TBC1D32: variants seen among roughly 807,000 people sequenced by gnomAD.
The protein encoded by TBC1D32 is protein broad-minded.
Under a neutral mutation model 170.3 loss-of-function variants are expected in TBC1D32, and 151 were observed. That is an observed-to-expected ratio of 0.89 (90% CI 0.78 to 1.01). TBC1D32 has a LOEUF of 1.01. Among genes scored for constraint, TBC1D32 ranks in the 50% least tolerant of loss-of-function variants. The pLI is 0.00. For missense variants in TBC1D32, 1,464 were observed against 1,457.1 expected, an observed-to-expected ratio of 1.00 and a Z score of -0.08; for synonymous variants, 498 against 488.0, an observed-to-expected ratio of 1.02 and a Z score of -0.27.
chr6:121,259,871 T>C (rs1371033011), intron 15 of TBC1D32, among the ~76,000 whole-genome samples: 5 of 152,180 alleles, frequency 3.3e-5, no homozygotes, highest in African/African-American at 1.2e-4. Flanking sequence ...CCCCCCAACA[T>C]TTCATGCAGC....
chr6:121,296,761 T>C (rs1031914667), intron 10 of TBC1D32, among the ~76,000 whole-genome samples: 9 of 152,084 alleles, frequency 5.9e-5, no homozygotes, highest in African/African-American at 2.2e-4. Context: ...CAAAACAAAG[T>C]GGATTAAAAT....
rs551667618 is a variant in TBC1D32, at chr6:121,082,404, A to G, written c.3655-1514T>C. On this transcript the variant is annotated intron_variant, in intron 31 of 31. Transcript: ENST00000398212. ...ACAGTTATTGTTATAGTCGTGGAAC[A>G]ATTATGAATTTATCCATTCATTTCA... Among the ~76,000 whole-genome samples the G allele has an allele frequency of 1.8e-4, 27 of 152,212 alleles. 1 individual carries two copies. In the South Asian group the frequency reaches 3.7e-3, roughly 21 times the overall value.
intron 10 of TBC1D32, among the ~76,000 whole-genome samples, 181 bp downstream of exon 10, chr6:121,299,265 T>C (rs1249583967): frequency 6.6e-6 from 1 of 152,156 alleles, no homozygotes; most frequent in Non-Finnish European, 1.5e-5. Flanking sequence ...TGCATTCATT[T>C]TAAGTCTCTA....
chr6:121,328,486 G>A (rs1041852161), intron 1 of TBC1D32, among the ~76,000 whole-genome samples: 4 of 151,480 alleles, frequency 2.6e-5, no homozygotes, highest in East Asian at 1.9e-4. Context: ...GGGTTTCACC[G>A]TGTTAGCCAG....
At chr6:121,213,979 T>G (rs534101106) in intron 21 of TBC1D32, among the ~76,000 whole-genome samples, 63 of 151,876 alleles carry the variant, frequency 4.1e-4, no homozygotes, top group African/African-American at 1.5e-3. Context: ...GCAATAAGAC[T>G]GCACACTTAC....
intron 20 of TBC1D32, chr6:121,224,242 A>G (rs1007798139): frequency 1.3e-5 from 2 of 152,184 alleles, no homozygotes; most frequent in Non-Finnish European, 2.9e-5. Flanking sequence ...CTCACTTGAT[A>G]TGCTTTCAAA....
chr6:121,268,852 C>A (rs935205473), intron 15 of TBC1D32, among the ~76,000 whole-genome samples: 2 of 152,108 alleles, frequency 1.3e-5, no homozygotes, highest in Non-Finnish European at 2.9e-5. Flanking sequence ...ATGTTAAGGG[C>A]AGCCAGAGAT....
At chr6:121,310,659 T>A (rs764096691) in intron 4 of TBC1D32, 120 bp downstream of exon 4, 1 of 686,102 alleles carries the variant, frequency 1.5e-6, no homozygotes, top group African/African-American at 1.8e-5. Context: ...CAGTCCAGGA[T>A]TGCCCATAAT....
chr6:121,289,919 A>G (rs1554304870), intron 12 of TBC1D32, among the ~76,000 whole-genome samples: 1 of 152,194 alleles, frequency 6.6e-6, no homozygotes, highest in Non-Finnish European at 1.5e-5. Flanking sequence ...TATTCAATAA[A>G]TGGTGCTGGG....
chr6:121,279,009 T>C, intron 15 of TBC1D32, 112 bp downstream of exon 15: 2 of 1,180,002 alleles, frequency 1.7e-6, no homozygotes, highest in Non-Finnish European at 1.2e-6. Context: ...GGCTGCATAG[T>C]CCATAATCCT....
chr6:121,235,730 C>T (rs376928769), intron 20 of TBC1D32, among the ~76,000 whole-genome samples: 1 of 152,306 alleles, frequency 6.6e-6, no homozygotes, highest in East Asian at 1.9e-4. Flanking sequence ...AGTGAGCCTG[C>T]AGCAGTGATC....
intron 15 of TBC1D32, among the ~76,000 whole-genome samples, chr6:121,262,904 C>G (rs1394642467): frequency 1.3e-5 from 2 of 152,088 alleles, no homozygotes; most frequent in Non-Finnish European, 2.9e-5. Flanking sequence ...ACCAGGCCTG[C>G]CTTGCAAGAG....
intron 21 of TBC1D32, among the ~76,000 whole-genome samples, chr6:121,220,872 C>T (rs1055366318): frequency 1.3e-5 from 2 of 151,986 alleles, no homozygotes; most frequent in Non-Finnish European, 2.9e-5. Context: ...AACTCCAGAC[C>T]TCAGGTGATC....
At chr6:121,275,002 AT>A (rs1361923609) in intron 15 of TBC1D32, among the ~76,000 whole-genome samples, 2 of 152,190 alleles carry the variant, frequency 1.3e-5, no homozygotes, top group African/African-American at 4.8e-5. Context: ...GAAGGCAAAA[AT>A]TGTGAAAGAA....
intron 22 of TBC1D32, among the ~76,000 whole-genome samples, chr6:121,184,593 C>T (rs547350007): frequency 5.4e-4 from 82 of 151,914 alleles, no homozygotes; most frequent in African/African-American, 1.9e-3. Flanking sequence ...AAATAAAAAA[C>T]AAAACTCATG....
At chr6:121,141,907 T>C (rs1484265297) in intron 24 of TBC1D32, among the ~76,000 whole-genome samples, 1 of 152,232 alleles carries the variant, frequency 6.6e-6, no homozygotes, top group South Asian at 2.1e-4. Flanking sequence ...CTCTTACCTT[T>C]AGCTAATAGC....
At chr6:121,148,668 T>C (rs1330136925) in intron 24 of TBC1D32, among the ~76,000 whole-genome samples, 1 of 152,014 alleles carries the variant, frequency 6.6e-6, no homozygotes, top group Non-Finnish European at 1.5e-5. Context: ...GGCTGGAGTA[T>C]AGTGGCACTA....
chr6:121,249,992 T>C (rs1052255455), intron 17 of TBC1D32, among the ~76,000 whole-genome samples: 1 of 151,774 alleles, frequency 6.6e-6, no homozygotes, highest in Non-Finnish European at 1.5e-5. Flanking sequence ...ATCTCAAAAT[T>C]CATATGGAGC....
At chr6:121,225,916 T>C (rs1795001151) in intron 20 of TBC1D32, among the ~76,000 whole-genome samples, 1 of 152,108 alleles carries the variant, frequency 6.6e-6, no homozygotes, top group South Asian at 2.1e-4. Flanking sequence ...ATATTAACTA[T>C]CTTAAAATTT....
Sources: gnomAD v4.1 joint callset for allele counts (sites outside exome capture counted in the v4.1 genomes callset) on GRCh38, gnomAD v4.1.1 for gene constraint, MANE v1.5 for transcripts, NCBI Gene and HGNC (gene_info 2026-07-23, HGNC 2026-07-21) for gene names.